The following WDR25 variants were observed in gnomAD, a reference collection of about 807,000 sequenced individuals.
The protein encoded by WDR25 is WD repeat domain 25, also known as WD repeat-containing protein 25.
WDR25 carries 35 observed loss-of-function variants against 47.7 expected under a neutral mutation model. That is an observed-to-expected ratio of 0.73 (90% confidence interval 0.56 to 0.97). WDR25 has a LOEUF of 0.97. Ranked by LOEUF, WDR25 falls within the 50% of genes least tolerant of loss-of-function variation. The pLI is 0.00. For missense variants in WDR25, 634 were observed against 704.7 expected (o/e 0.90, Z 1.14); for synonymous variants, 248 against 278.9 (o/e 0.89, Z 1.10).
intron 2 of WDR25, chr14:100,455,629 GA>G (rs1259423785): frequency 6.6e-6 from 1 of 152,080 alleles, no homozygotes; most frequent in African/African-American, 2.4e-5. Flanking sequence ...AACCAAAGAT[GA>G]AGAGAAAATC....
chr14:100,454,228 G>C (rs565192569), intron 2 of WDR25, among the ~76,000 whole-genome samples: 2 of 152,240 alleles, frequency 1.3e-5, no homozygotes, highest in East Asian at 1.9e-4. Flanking sequence ...TGTGAAGCTG[G>C]TGGTGGTGGT....
At position 100,498,712 on chromosome 14, in the gene WDR25, T is replaced by C. The variant is rs909364073; in HGVS notation, c.1101+14588T>C. On this transcript the variant is annotated intron_variant, in intron 4 of 6. Coordinates refer to ENST00000402312, the MANE Select transcript of WDR25 (RefSeq NM_001161476.3). This position sits in a 1 kb window ranked among gnomAD's most constrained non-coding sequence, Gnocchi z 4.2. ...AGGGCCAACATGTGAGGTTGTGCAG[T>C]CTGTACAGTGCAGAGAGGCACCTTG... is the stretch of plus-strand genomic sequence containing the variant. Among the ~76,000 whole-genome samples, 2 of 152,182 alleles carry C rather than the reference T, an allele frequency of 1.3e-5. No individual in the cohort carries two copies. The highest frequency in any genetic ancestry group is 2.9e-5 in the Non-Finnish European group (2 of 68,024).
intron 4 of WDR25, among the ~76,000 whole-genome samples, chr14:100,513,739 G>A (rs1901390015): frequency 6.6e-6 from 1 of 151,396 alleles, no homozygotes; most frequent in East Asian, 1.9e-4. Context: ...GGTTGCCCAG[G>A]CTGGTCTCAA....
chr14:100,455,802 A>G (rs1291231129), intron 2 of WDR25, among the ~76,000 whole-genome samples: 2 of 152,250 alleles, frequency 1.3e-5, no homozygotes, highest in Non-Finnish European at 2.9e-5. Flanking sequence ...CTTATAGTGA[A>G]TGAGATCAGT....
Position 100,405,317 on chromosome 14 carries a change from A to C in WDR25, c.822+23571A>C, listed in dbSNP as rs577898190. ...GCTGGGATTACAGGCATGCACCACC[A>C]CGCCTGGCTAATTTTGTATTTTTAG... On this transcript the variant is annotated intron_variant, in intron 2 of 6. Transcript: ENST00000402312. 1.3e-3 allele frequency among the ~76,000 whole-genome samples: 196 copies of C among 152,104 alleles called. 2 individuals are homozygous for C. The highest frequency in any genetic ancestry group is 3.4e-3 in the Middle Eastern group (1 of 294).
intron 2 of WDR25, among the ~76,000 whole-genome samples, chr14:100,401,808 C>T (rs1481984786): frequency 3.3e-5 from 5 of 152,176 alleles, no homozygotes; most frequent in East Asian, 1.9e-4. Context: ...TGGCTCTGCA[C>T]GTGTCTTAGT....
At chr14:100,467,647 C>T (rs753264566) in intron 2 of WDR25, among the ~76,000 whole-genome samples, 4 of 152,110 alleles carry the variant, frequency 2.6e-5, no homozygotes, top group African/African-American at 9.7e-5. Context: ...GCATGTGTCA[C>T]TATGCCCAAC....
rs1257766122 is a variant in WDR25 at position 100,468,932 on chromosome 14, C to CTCTT, written c.970+770_970+773dup. 1.3e-5 allele frequency among the ~76,000 whole-genome samples: 2 copies of CTCTT among 151,292 alleles called. No homozygotes were observed. Among genetic ancestry groups the CTCTT allele is most frequent in the African/African-American group, 4.9e-5 (2 of 41,202 alleles). Reference sequence around the variant, plus strand: ...CTTTCCTTTCCTTTCCCTCTATGTTCTCTTTCTTTTCTTTCTTTCCTTTTT... The same window carrying CTCTT: ...CTTTCCTTTCCTTTCCCTCTATGTTCTCTTTCTTTCTTTTCTTTCTTTCCTTTTT... On this transcript the variant is annotated intron_variant, in intron 3 of 6. Coordinates refer to ENST00000402312, the MANE Select transcript of WDR25 (RefSeq NM_001161476.3). This position sits in a 1 kb window ranked among gnomAD's most constrained non-coding sequence, Gnocchi z 4.5.
At chr14:100,405,542 G>C (rs1897511049) in intron 2 of WDR25, among the ~76,000 whole-genome samples, 1 of 152,188 alleles carries the variant, frequency 6.6e-6, no homozygotes, top group Non-Finnish European at 1.5e-5. Flanking sequence ...GGGCCCCCTG[G>C]AGGATCAGTA....
At chr14:100,509,328 A>AT (rs1221101480) in intron 4 of WDR25, among the ~76,000 whole-genome samples, 1 of 152,124 alleles carries the variant, frequency 6.6e-6, no homozygotes, top group African/African-American at 2.4e-5. Context: ...GAATTTTTCC[A>AT]TTTTATCTAA....
At chr14:100,412,143 G>A (rs1897727032) in intron 2 of WDR25, among the ~76,000 whole-genome samples, 1 of 150,398 alleles carries the variant, frequency 6.6e-6, no homozygotes, top group Non-Finnish European at 1.5e-5. Context: ...GGAGTTCAAG[G>A]CTGCAGTGAG....
rs369486696 is a variant in WDR25 at position 100,428,167 on chromosome 14, G to A, written c.823-39854G>A. On this transcript the variant is annotated intron_variant, in intron 2 of 6. Coordinates refer to ENST00000402312, the MANE Select transcript of WDR25 (RefSeq NM_001161476.3). This position sits in a 1 kb window ranked among gnomAD's most constrained non-coding sequence, Gnocchi z 4.3. ...TGAGGAAACGTTTGTCGTGTGCTCC[G>A]ACCGAAGCGTTGGCACTGACCCGTC... 1.5e-4 allele frequency among the ~76,000 whole-genome samples: 23 copies of A among 152,340 alleles called. No homozygotes were observed. In the East Asian group the frequency reaches 1.9e-3, roughly 13 times the overall value.
chr14:100,414,983 G>A (rs1340633833), intron 2 of WDR25, among the ~76,000 whole-genome samples: 1 of 152,098 alleles, frequency 6.6e-6, no homozygotes, highest in Non-Finnish European at 1.5e-5. Context: ...GTGAGAGCAG[G>A]GGGAGCAGCA....
chr14:100,447,314 TCTACAACGATTTTAA>T (rs1898869437), intron 2 of WDR25, among the ~76,000 whole-genome samples: 1 of 152,162 alleles, frequency 6.6e-6, no homozygotes, highest in African/African-American at 2.4e-5. Flanking sequence ...GACCCATAAA[TCTACAACGATTTTAA>T]TTTTGGACAC....
intron 2 of WDR25, among the ~76,000 whole-genome samples, chr14:100,437,539 T>C (rs1898537503): frequency 6.6e-6 from 1 of 152,154 alleles, no homozygotes; most frequent in Admixed American, 6.5e-5. Flanking sequence ...TTGATTTCCT[T>C]ACTGTGAAGC....
intron 2 of WDR25, among the ~76,000 whole-genome samples, chr14:100,457,424 CA>C (rs1424167463): frequency 6.6e-6 from 1 of 152,118 alleles, no homozygotes; most frequent in East Asian, 1.9e-4. Flanking sequence ...AAGGAAAAGC[CA>C]AAACCAAAAC....
intron 4 of WDR25, among the ~76,000 whole-genome samples, chr14:100,497,016 T>C (rs1048876153): frequency 6.6e-6 from 1 of 152,054 alleles, no homozygotes; most frequent in African/African-American, 2.4e-5. Flanking sequence ...TTGTATTTAA[T>C]AGAGATGGGG....
At chr14:100,420,359 T>C (rs1379071193) in intron 2 of WDR25, among the ~76,000 whole-genome samples, 10 of 152,252 alleles carry the variant, frequency 6.6e-5, no homozygotes, top group African/African-American at 2.2e-4. Context: ...TCATTTTGGA[T>C]CCTGTTTTTA....
chr14:100,511,461 G>A (rs1190203691), intron 4 of WDR25, among the ~76,000 whole-genome samples: 1 of 152,100 alleles, frequency 6.6e-6, no homozygotes, highest in African/African-American at 2.4e-5. Flanking sequence ...TAATCATGTT[G>A]TCTGTTAATA....
Sources: gnomAD v4.1 joint callset for allele counts (sites outside exome capture counted in the v4.1 genomes callset) on GRCh38, gnomAD v4.1.1 for gene constraint, Gnocchi (gnomAD v3.1) non-coding constraint, MANE v1.5 for transcripts, NCBI Gene and HGNC (gene_info 2026-07-23, HGNC 2026-07-21) for gene names.